Variants in JPH2 observed in about 807,000 individuals in gnomAD.
JPH2 encodes junctophilin 2.
A neutral mutation model predicts 55.9 loss-of-function variants in JPH2; 38 were observed. The ratio of observed to expected loss-of-function variants is 0.68; its 90% CI spans 0.52 to 0.89. JPH2 has a LOEUF of 0.89. Among genes scored for constraint, JPH2 ranks in the 40% least tolerant of loss-of-function variants. The pLI is 0.00. For synonymous variants in JPH2, 480 were observed against 472.4 expected, an observed-to-expected ratio of 1.02 and a Z score of -0.21; for missense variants, 964 against 1,037.6, an observed-to-expected ratio of 0.93 and a Z score of 0.97.
chr20:44,176,008 C>T (rs2072730584), intron 1 of JPH2, among the ~76,000 whole-genome samples: 1 of 152,176 alleles, frequency 6.6e-6, no homozygotes, highest in Non-Finnish European at 1.5e-5. Flanking sequence ...TCCTCAAACC[C>T]TCACCCCATC....
rs2072125798 is a variant in JPH2, at chr20:44,109,239, C to T, written c.*4279G>A. 6.6e-6 allele frequency among the ~76,000 whole-genome samples: 1 copy of T among 152,188 alleles called. No homozygotes were observed. The highest frequency in any genetic ancestry group is 2.4e-5 in the African/African-American group (1 of 41,444). On this transcript the variant is annotated 3_prime_UTR_variant, in exon 6 of 6. Transcript: ENST00000372980. ...TCCATCTCCCCAAGGCTCAATTTTCCTCATCTGCAAAATGGGTGGACGAAT... is the reference window on the plus strand; with the variant it reads ...TCCATCTCCCCAAGGCTCAATTTTCTTCATCTGCAAAATGGGTGGACGAAT...
At position 44,112,484 on chromosome 20, in the gene JPH2, C is replaced by A. The variant is rs1390157001; in HGVS notation, c.*1034G>T. ...CCCAGTTGGAGCCCCAGACTTGCCC[C>A]TCTCTTGCCGGGAAATGCTTCTTGA... On this transcript the variant is annotated 3_prime_UTR_variant, in exon 6 of 6. Coordinates refer to ENST00000372980, the MANE Select transcript of JPH2 (RefSeq NM_020433.5). 6.6e-6 allele frequency: 1 copy of A among 152,334 alleles called. No individual in the cohort carries two copies. The highest frequency in any genetic ancestry group is 1.5e-5 in the Non-Finnish European group (1 of 68,158). 9.4% of individuals were successfully genotyped at this position (152,334 alleles called of 1,614,324 possible). A position where few individuals can be genotyped will look rare whatever the true frequency, so the allele number is the denominator to read the frequency against.
chr20:44,136,699 T>C (rs11908667), intron 2 of JPH2, among the ~76,000 whole-genome samples: 12,337 of 152,012 alleles, frequency 0.081, 718 homozygotes, highest in African/African-American at 0.17. Context: ...ACTACTGGAG[T>C]CAGACAACCT....
At position 44,110,409 on chromosome 20, in the gene JPH2, G is replaced by C. The variant is rs2072133687; in HGVS notation, c.*3109C>G. On this transcript the variant is annotated 3_prime_UTR_variant, in exon 6 of 6. Transcript: ENST00000372980. ...TTCCTGGAATCCCAGCATCATTCCA[G>C]AGTTTTGAAAACTTTTGTGTTTTTT... Among the ~76,000 whole-genome samples, 1 of 143,590 alleles carries C rather than the reference G, an allele frequency of 7.0e-6. No homozygotes were observed. Among genetic ancestry groups the C allele is most frequent in the Middle Eastern group, 3.6e-3 (1 of 276 alleles). The allele number at this position is 143,590 out of a possible 152,430, so 94.2% of individuals were successfully genotyped here.
Position 44,160,095 on chromosome 20 carries a change from C to T in JPH2, c.692G>A (p.Arg231Gln), listed in dbSNP as rs761591158. 4.8e-4 allele frequency: 727 copies of T among 1,530,048 alleles called. No homozygotes were observed. Among genetic ancestry groups the T allele is most frequent in the Non-Finnish European group, 5.9e-4 (672 of 1,143,522 alleles). The allele number at this position is 1,530,048 out of a possible 1,614,324, so 94.8% of individuals were successfully genotyped here. A position where few individuals can be genotyped will look rare whatever the true frequency, so the allele number is the denominator to read the frequency against. ...CACGGACGTGCGCGACTCTGCGCGC[C>T]GCAGCTTGCCCAGCAGCGCGCCCCG... ...FQRGALLGKL[R>Q]RAESRTSVGS... The change falls in exon 2 of 6, where the codon CGG becomes CAG. Residue 231 changes from arginine to glutamine, a missense_variant. Transcript: ENST00000372980. The surrounding 1 kb of genome is among the most constrained non-coding windows in gnomAD (Gnocchi z 4.9).
intron 2 of JPH2, among the ~76,000 whole-genome samples, chr20:44,153,294 G>A (rs1002803843): frequency 2.0e-5 from 3 of 152,194 alleles, no homozygotes; most frequent in Non-Finnish European, 4.4e-5. Flanking sequence ...TACTTTCAGG[G>A]AGGAGGTAAT....
intron 4 of JPH2, 53 bp from the exon 5 acceptor site, chr20:44,114,929 C>T: frequency 7.2e-7 from 1 of 1,394,568 alleles, no homozygotes; most frequent in Admixed American, 2.0e-5. Context: ...GGAGACACCC[C>T]CCACCCAGGT....
chr20:44,149,962 G>GAAAAAAAA (rs374913556), intron 2 of JPH2, among the ~76,000 whole-genome samples: 2 of 116,758 alleles, frequency 1.7e-5, no homozygotes, highest in Non-Finnish European at 3.7e-5. Context: ...GGGCGACAGA[G>GAAAAAAAA]GAAAAAAAAA....
chr20:44,186,855 G>T lies in JPH2; in HGVS notation c.-150C>A. ...GGGGGGAAGCAGGATGCCAGCAGAG[G>T]CTGAAAGAGCCCCGGCGCCAAGTCA... On this transcript the variant is annotated 5_prime_UTR_variant, in exon 1 of 6. Transcript: ENST00000372980. 1 of 769,772 alleles carries T rather than the reference G, an allele frequency of 1.3e-6. No individual in the cohort carries two copies. The highest frequency in any genetic ancestry group is 2.1e-6 in the Non-Finnish European group (1 of 483,336). The allele number at this position is 769,772 out of a possible 1,614,324, so 47.7% of individuals were successfully genotyped here.
At chr20:44,155,046 C>T (rs1280596786) in intron 2 of JPH2, among the ~76,000 whole-genome samples, 1 of 152,088 alleles carries the variant, frequency 6.6e-6, no homozygotes, top group Non-Finnish European at 1.5e-5. Flanking sequence ...CAGGCATTGG[C>T]AGGAAGGACC....
At chr20:44,176,790 T>C (rs1194898515) in intron 1 of JPH2, 3 of 886,038 alleles carry the variant, frequency 3.4e-6, no homozygotes, top group Non-Finnish European at 4.1e-6. Flanking sequence ...CAAGACCCTG[T>C]TAAAAAAAAG....
chr20:44,156,276 A>C (rs1302623537), intron 2 of JPH2, among the ~76,000 whole-genome samples: 1 of 152,236 alleles, frequency 6.6e-6, no homozygotes, highest in Non-Finnish European at 1.5e-5. Flanking sequence ...TAAGAAGTTA[A>C]CAATAGGGGA....
intron 1 of JPH2, among the ~76,000 whole-genome samples, chr20:44,164,852 C>T (rs1299308589): frequency 1.6e-5 from 2 of 127,958 alleles, no homozygotes; most frequent in South Asian, 2.4e-4. Flanking sequence ...TTTTGGAGGT[C>T]GGGGGATGGA....
chr20:44,116,992 C>T (rs568209165), intron 3 of JPH2, among the ~76,000 whole-genome samples: 1 of 152,290 alleles, frequency 6.6e-6, no homozygotes, highest in East Asian at 1.9e-4. Flanking sequence ...ACTTAAAAAC[C>T]CTTCATGGCT....
At chr20:44,135,926 C>G (rs1162954077) in intron 2 of JPH2, among the ~76,000 whole-genome samples, 1 of 152,198 alleles carries the variant, frequency 6.6e-6, no homozygotes, top group East Asian at 1.9e-4. Context: ...TACTACATGA[C>G]AGGCCCATTG....
chr20:44,171,722 T>C (rs542924412), intron 1 of JPH2, among the ~76,000 whole-genome samples: 1 of 152,314 alleles, frequency 6.6e-6, no homozygotes, highest in Non-Finnish European at 1.5e-5. Context: ...ATATCTCAGC[T>C]CAAACATCAC....
chr20:44,113,507 CAA>C lies in JPH2; in HGVS notation c.*15-6_*15-5del, dbSNP rs548773116. 4 of 152,044 alleles carry C rather than the reference CAA, an allele frequency of 2.6e-5. No individual in the cohort carries two copies. The highest frequency in any genetic ancestry group is 3.9e-4 in the East Asian group (2 of 5,110). The allele number at this position is 152,044 out of a possible 1,614,324, so 9.4% of individuals were successfully genotyped here. A position where few individuals can be genotyped will look rare whatever the true frequency, so the allele number is the denominator to read the frequency against. On this transcript the variant is annotated splice_region_variant and splice_polypyrimidine_tract_variant and intron_variant, in intron 5 of 5. Transcript: ENST00000372980. ...TCCTCAGCAGGAACTTCTGGCTCTGCAAAGAGACAGCAAAAGGGTCAGGCAAG... is the reference window on the plus strand; with the variant it reads ...TCCTCAGCAGGAACTTCTGGCTCTGCAGAGACAGCAAAAGGGTCAGGCAAG...
chr20:44,162,790 A>G (rs1351686649), intron 1 of JPH2, among the ~76,000 whole-genome samples: 4 of 53,000 alleles, frequency 7.5e-5, no homozygotes, highest in Admixed American at 2.1e-4. Context: ...ATATATATAC[A>G]CACACACACA....
At chr20:44,140,305 G>T (rs955787677) in intron 2 of JPH2, among the ~76,000 whole-genome samples, 1 of 152,148 alleles carries the variant, frequency 6.6e-6, no homozygotes, top group African/African-American at 2.4e-5. Context: ...TGAGCCCAGG[G>T]GGCACCCCAG....
Sources: allele counts gnomAD v4.1 joint callset (sites outside exome capture counted in the v4.1 genomes callset), GRCh38; gene constraint gnomAD v4.1.1; non-coding constraint Gnocchi (gnomAD v3.1); transcripts MANE v1.5; gene names NCBI Gene and HGNC (gene_info 2026-07-23, HGNC 2026-07-21).